SMURF2: variants seen among roughly 807,000 people sequenced by gnomAD.
SMURF2 encodes E3 ubiquitin-protein ligase SMURF2.
In SMURF2, 48 loss-of-function variants were observed where a neutral mutation model predicts 109.6. The ratio of observed to expected loss-of-function variants is 0.44; its 90% CI spans 0.35 to 0.56. SMURF2 has a LOEUF of 0.56. Among genes scored for constraint, SMURF2 ranks in the 20% least tolerant of loss-of-function variants. SMURF2 has a pLI of 0.01. For synonymous variants in SMURF2, 288 were observed against 317.1 expected, an observed-to-expected ratio of 0.91 and a Z score of 0.97; for missense variants, 575 against 909.0, an observed-to-expected ratio of 0.63 and a Z score of 4.72.
At chr17:64,638,719 C>T (rs942049244) in intron 1 of SMURF2, among the ~76,000 whole-genome samples, 6 of 152,148 alleles carry the variant, frequency 3.9e-5, no homozygotes, top group Non-Finnish European at 5.9e-5. Context: ...TGCCAGATGC[C>T]ATAGGACACA....
chr17:64,623,915 T>A (rs1970235226), intron 1 of SMURF2, among the ~76,000 whole-genome samples: 1 of 152,246 alleles, frequency 6.6e-6, no homozygotes, highest in Non-Finnish European at 1.5e-5. Context: ...AAGTTAAACG[T>A]AAGTTGTCTT....
chr17:64,570,363 T>C (rs1555685444), intron 10 of SMURF2, among the ~76,000 whole-genome samples: 1 of 152,232 alleles, frequency 6.6e-6, no homozygotes. Flanking sequence ...AGAGTGAACC[T>C]TGCTCTCCAA....
chr17:64,633,918 A>G (rs1009378233), intron 1 of SMURF2, among the ~76,000 whole-genome samples: 15 of 152,174 alleles, frequency 9.9e-5, no homozygotes, highest in Admixed American at 4.6e-4. Context: ...ACACTTTAGG[A>G]GGCCGAGGTG....
intron 1 of SMURF2, among the ~76,000 whole-genome samples, chr17:64,620,296 G>T (rs564164091): frequency 3.9e-5 from 6 of 152,260 alleles, no homozygotes; most frequent in Non-Finnish European, 7.3e-5. Context: ...CCTAAAGCTT[G>T]TGAGTTATCT....
At chr17:64,565,862 G>T (rs1198829169) in intron 10 of SMURF2, among the ~76,000 whole-genome samples, 2 of 150,606 alleles carry the variant, frequency 1.3e-5, no homozygotes, top group African/African-American at 2.4e-5. Context: ...TCAAGCAAAG[G>T]AAATAAAAAA....
chr17:64,643,663 G>A (rs980954918), intron 1 of SMURF2, among the ~76,000 whole-genome samples: 1 of 152,022 alleles, frequency 6.6e-6, no homozygotes, highest in Admixed American at 6.6e-5. Context: ...CTGGATTCCC[G>A]TAACCCTTCC....
intron 1 of SMURF2, among the ~76,000 whole-genome samples, chr17:64,622,830 G>C (rs1970222782): frequency 6.6e-6 from 1 of 152,162 alleles, no homozygotes; most frequent in African/African-American, 2.4e-5. Context: ...ATAAGGACTA[G>C]AGAGTTATAC....
At chr17:64,559,032 A>G (rs573940153) in intron 12 of SMURF2, among the ~76,000 whole-genome samples, 1 of 152,288 alleles carries the variant, frequency 6.6e-6, no homozygotes, top group East Asian at 1.9e-4. Flanking sequence ...TTGAAAAACT[A>G]CTCTAGAGAT....
intron 1 of SMURF2, among the ~76,000 whole-genome samples, chr17:64,632,526 G>GAAAC (rs530608240): frequency 6.6e-6 from 1 of 152,120 alleles, no homozygotes; most frequent in Admixed American, 6.6e-5. Context: ...AGATGGGCAG[G>GAAAC]AAACAAACAA....
chr17:64,630,972 C>T (rs1970331102), intron 1 of SMURF2, among the ~76,000 whole-genome samples: 1 of 151,844 alleles, frequency 6.6e-6, no homozygotes, highest in African/African-American at 2.4e-5. Flanking sequence ...AGAGCAGCTT[C>T]ATAAGAGTAG....
intron 1 of SMURF2, among the ~76,000 whole-genome samples, chr17:64,648,162 A>G (rs1162004862): frequency 6.6e-6 from 1 of 151,606 alleles, no homozygotes; most frequent in Admixed American, 6.6e-5. Flanking sequence ...TCTAAAAAAA[A>G]ATGTTAAATT....
At chr17:64,595,817 C>T (rs1401309714) in intron 3 of SMURF2, among the ~76,000 whole-genome samples, 6 of 152,140 alleles carry the variant, frequency 3.9e-5, no homozygotes, top group Non-Finnish European at 8.8e-5. Flanking sequence ...CAACTTCATA[C>T]CCACTAGGGT....
Position 64,543,711 on chromosome 17 carries a change from A to G in SMURF2, c.*2137T>C, listed in dbSNP as rs1265186447. On this transcript the variant is annotated 3_prime_UTR_variant, in exon 19 of 19. Transcript: ENST00000262435. ...ATTTCATTATTACTGTATCCCTGTCAGTTATGATTTCTGTATTCATTATGT... is the reference window on the plus strand; with the variant it reads ...ATTTCATTATTACTGTATCCCTGTCGGTTATGATTTCTGTATTCATTATGT... 6.6e-6 allele frequency: 1 copy of G among 152,222 alleles called. No homozygotes were observed. The highest frequency in any genetic ancestry group is 1.5e-5 in the Non-Finnish European group (1 of 68,034). The allele number at this position is 152,222 out of a possible 1,614,324, so 9.4% of individuals were successfully genotyped here.
chr17:64,548,836 G>A (rs1968995532), intron 16 of SMURF2, among the ~76,000 whole-genome samples: 1 of 152,050 alleles, frequency 6.6e-6, no homozygotes, highest in Admixed American at 6.6e-5. Context: ...TGTCTCCCTA[G>A]GGTTCAAGAC....
At chr17:64,638,348 G>A (rs1417417703) in intron 1 of SMURF2, among the ~76,000 whole-genome samples, 2 of 152,078 alleles carry the variant, frequency 1.3e-5, no homozygotes, top group Admixed American at 1.3e-4. Flanking sequence ...TTACAGGCAT[G>A]AGCCACTGCG....
At chr17:64,615,084 G>C (rs1970102811) in intron 1 of SMURF2, among the ~76,000 whole-genome samples, 2 of 152,268 alleles carry the variant, frequency 1.3e-5, no homozygotes, top group South Asian at 4.1e-4. Flanking sequence ...GTAAATCGCA[G>C]CTGTAGAAAG....
At chr17:64,626,380 AT>A (rs1970269667) in intron 1 of SMURF2, among the ~76,000 whole-genome samples, 1 of 152,064 alleles carries the variant, frequency 6.6e-6, no homozygotes, top group South Asian at 2.1e-4. Flanking sequence ...CTTGTAAGTT[AT>A]TTTACACATT....
At chr17:64,622,368 T>C (rs1424077515) in intron 1 of SMURF2, among the ~76,000 whole-genome samples, 1 of 152,184 alleles carries the variant, frequency 6.6e-6, no homozygotes, top group East Asian at 1.9e-4. Context: ...ATATTATACA[T>C]TAATTAAAAT....
intron 1 of SMURF2, among the ~76,000 whole-genome samples, chr17:64,619,400 C>A (rs1018040134): frequency 2.7e-5 from 4 of 148,874 alleles, no homozygotes; most frequent in African/African-American, 7.4e-5. Context: ...ATCGCCTGAA[C>A]CCGGGAGGCA....
Sources: allele counts gnomAD v4.1 joint callset (sites outside exome capture counted in the v4.1 genomes callset), GRCh38; gene constraint gnomAD v4.1.1; transcripts MANE v1.5; gene names NCBI Gene and HGNC (gene_info 2026-07-23, HGNC 2026-07-21).